Variants in BICC1 observed in about 807,000 individuals in gnomAD.
BICC1 encodes BicC family RNA binding protein 1.
BICC1 carries 43 observed loss-of-function variants against 111.0 expected under a neutral mutation model. The ratio of observed to expected loss-of-function variants is 0.39; its 90% CI spans 0.30 to 0.50. BICC1 has a LOEUF of 0.50. Ranked by LOEUF, BICC1 falls within the 20% of genes least tolerant of loss-of-function variation. The probability of loss-of-function intolerance (pLI) is 0.88; values close to 1 mark genes in which losing one functional copy is unlikely to be tolerated. For synonymous variants in BICC1, 467 were observed against 434.4 expected, an observed-to-expected ratio of 1.07 and a Z score of -0.93; for missense variants, 1,091 against 1,203.2, an observed-to-expected ratio of 0.91 and a Z score of 1.38.
intron 3 of BICC1, among the ~76,000 whole-genome samples, chr10:58,705,806 G>T (rs974780471): frequency 7.2e-5 from 11 of 152,148 alleles, no homozygotes; most frequent in African/African-American, 2.7e-4. Flanking sequence ...CACAGATAGT[G>T]AACATGGTAC....
intron 1 of BICC1, among the ~76,000 whole-genome samples, chr10:58,599,055 G>A (rs747959590): frequency 5.3e-5 from 8 of 152,138 alleles, no homozygotes; most frequent in Non-Finnish European, 8.8e-5. Context: ...GTTGGTGGAC[G>A]TGTAAATTAG....
chr10:58,697,062 T>C (rs1170384074), intron 2 of BICC1, among the ~76,000 whole-genome samples: 2 of 152,216 alleles, frequency 1.3e-5, no homozygotes, highest in Non-Finnish European at 2.9e-5. Flanking sequence ...TTAAACGTGT[T>C]TCCCAACTTT....
chr10:58,806,962 G>T, intron 16 of BICC1, 42 bp from the exon 17 acceptor site: 1 of 1,564,046 alleles, frequency 6.4e-7, no homozygotes, highest in South Asian at 1.2e-5. Context: ...TTGAAGAAAT[G>T]CATTAAACAT....
rs972522558 is a variant in BICC1 at position 58,562,989 on chromosome 10, C to T, written c.190+49656C>T. 2.0e-5 allele frequency among the ~76,000 whole-genome samples: 3 copies of T among 152,078 alleles called. No individual in the cohort carries two copies. In the East Asian group the frequency reaches 5.8e-4, roughly 29 times the overall value. On this transcript the variant is annotated intron_variant, in intron 1 of 20. Transcript: ENST00000373886. The stretch of plus-strand genomic sequence containing the variant: ...TCAGGTCCTTGGGAGCGTATAGGGG[C>T]TCCCTTGGTCTTGAGGGTAGTCTCC...
intron 3 of BICC1, among the ~76,000 whole-genome samples, chr10:58,741,816 G>A (rs1564586837): frequency 6.6e-6 from 1 of 152,138 alleles, no homozygotes; most frequent in African/African-American, 2.4e-5. Flanking sequence ...GAGACGAGAC[G>A]AGTCAAGACT....
At chr10:58,768,426 C>T (rs1842518719) in intron 3 of BICC1, among the ~76,000 whole-genome samples, 3 of 152,116 alleles carry the variant, frequency 2.0e-5, no homozygotes, top group Admixed American at 2.0e-4. Context: ...GAGTTCATCA[C>T]CACTAAGACT....
intron 1 of BICC1, among the ~76,000 whole-genome samples, chr10:58,549,509 A>G (rs1843233252): frequency 6.6e-6 from 1 of 152,016 alleles, no homozygotes; most frequent in Non-Finnish European, 1.5e-5. Flanking sequence ...GTCTAGTAGT[A>G]TCTCATCATT....
At chr10:58,543,463 TTGTAA>T (rs1843049984) in intron 1 of BICC1, among the ~76,000 whole-genome samples, 1 of 152,144 alleles carries the variant, frequency 6.6e-6, no homozygotes. Context: ...GTCAACACTA[TTGTAA>T]TGTACACTGA....
chr10:58,680,711 G>C (rs1399456830), intron 2 of BICC1, among the ~76,000 whole-genome samples: 1 of 152,188 alleles, frequency 6.6e-6, no homozygotes, highest in Non-Finnish European at 1.5e-5. Context: ...AGCCTGTATA[G>C]CCAAGACAAT....
chr10:58,704,769 A>T (rs1187272249), intron 3 of BICC1, among the ~76,000 whole-genome samples: 1 of 152,224 alleles, frequency 6.6e-6, no homozygotes, highest in Non-Finnish European at 1.5e-5. Context: ...GAATATACAC[A>T]TAATCCCCAG....
chr10:58,791,875 T>G (rs1296733633), intron 8 of BICC1, among the ~76,000 whole-genome samples: 1 of 152,196 alleles, frequency 6.6e-6, no homozygotes, highest in East Asian at 1.9e-4. Flanking sequence ...CACTGCAATC[T>G]CTGCCTCCTG....
At chr10:58,793,767 T>C in intron 9 of BICC1, 152 bp downstream of exon 9, 2 of 861,352 alleles carry the variant, frequency 2.3e-6, no homozygotes, top group Non-Finnish European at 3.4e-6. Context: ...AAGCTGAATC[T>C]TTTTTAGCAC....
chr10:58,732,264 G>C (rs1276205540), intron 3 of BICC1, among the ~76,000 whole-genome samples: 1 of 144,646 alleles, frequency 6.9e-6, no homozygotes, highest in Non-Finnish European at 1.5e-5. Flanking sequence ...TGGGGATGGG[G>C]AGAGAGAGAG....
intron 3 of BICC1, 69 bp downstream of exon 3, chr10:58,702,212 TGGG>T (rs1204213372): frequency 1.5e-5 from 20 of 1,300,850 alleles, no homozygotes; most frequent in Non-Finnish European, 1.5e-5. Context: ...GCAGGTTTGC[TGGG>T]GAGAAAACTA....
rs181766949 is a variant in BICC1, at chr10:58,803,321, C to T, written c.2181+79C>T. The T allele has an allele frequency of 8.9e-6, 11 of 1,237,216 alleles. No homozygotes were observed. In the African/African-American group the frequency reaches 1.7e-4, roughly 19 times the overall value. 76.6% of individuals were successfully genotyped at this position (1,237,216 alleles called of 1,614,324 possible). ...TATGGAGAATTCAGTGAGTGTTCAG[C>T]AGTAGTGCAGAAATTAGGTTTTCCT... is the stretch of plus-strand genomic sequence containing the variant. On this transcript the variant is annotated intron_variant, in intron 15 of 20. Coordinates refer to ENST00000373886, the MANE Select transcript of BICC1 (RefSeq NM_001080512.3).
rs1589050199 is a variant in BICC1, at chr10:58,512,995, G to C, written c.-149G>C. The C allele has an allele frequency of 2.5e-6, 1 of 396,708 alleles. No homozygotes were observed. Among genetic ancestry groups the C allele is most frequent in the Non-Finnish European group, 3.6e-6 (1 of 274,762 alleles). The allele number at this position is 396,708 out of a possible 1,614,324, so 24.6% of individuals were successfully genotyped here. ...TGGGATGCGCCGGGGGCTCAGTGGCGGCGGCGGCGTTGGCGGTGGCGTCGG... is the reference window on the plus strand; with the variant it reads ...TGGGATGCGCCGGGGGCTCAGTGGCCGCGGCGGCGTTGGCGGTGGCGTCGG... On this transcript the variant is annotated 5_prime_UTR_variant, in exon 1 of 21. Coordinates refer to ENST00000373886, the MANE Select transcript of BICC1 (RefSeq NM_001080512.3).
At position 58,602,321 on chromosome 10, in the gene BICC1, A is replaced by G. The variant is rs74740699; in HGVS notation, c.191-18534A>G. ...AGTATGACCAATGTGTTTGCATCAT[A>G]AATGTACGCACATATTTTTTGAAAG... On this transcript the variant is annotated intron_variant, in intron 1 of 20. Coordinates refer to ENST00000373886, the MANE Select transcript of BICC1 (RefSeq NM_001080512.3). Among the ~76,000 whole-genome samples the G allele has an allele frequency of 4.9e-3, 747 of 152,296 alleles. 12 individuals carry two copies. The highest frequency in any genetic ancestry group is 0.037 in the East Asian group (194 of 5,182).
At chr10:58,682,356 G>T (rs1839555036) in intron 2 of BICC1, among the ~76,000 whole-genome samples, 2 of 152,148 alleles carry the variant, frequency 1.3e-5, no homozygotes, top group Non-Finnish European at 2.9e-5. Context: ...ATAGCAGCAT[G>T]ATTTATATTC....
intron 2 of BICC1, among the ~76,000 whole-genome samples, chr10:58,672,987 A>G (rs939884406): frequency 3.3e-5 from 5 of 152,196 alleles, no homozygotes; most frequent in African/African-American, 1.2e-4. Flanking sequence ...AAGAGGTCTG[A>G]TATATTGCCA....
Sources: gnomAD v4.1 joint callset for allele counts (sites outside exome capture counted in the v4.1 genomes callset) on GRCh38, gnomAD v4.1.1 for gene constraint, MANE v1.5 for transcripts, NCBI Gene and HGNC (gene_info 2026-07-23, HGNC 2026-07-21) for gene names.